The following ACTR3C variants were observed in gnomAD, a reference collection of about 807,000 sequenced individuals.
ACTR3C encodes the protein actin-related protein 3C.
In ACTR3C, 18 loss-of-function variants were observed where a neutral mutation model predicts 26.3. The observed-to-expected ratio is 0.68, with a 90% CI of 0.47 to 1.01. The LOEUF is 1.01. ACTR3C is among the 50% of genes least tolerant of loss of function. The pLI is 0.00. For missense variants in ACTR3C, 184 were observed against 250.7 expected, an observed-to-expected ratio of 0.73 and a Z score of 1.80; for synonymous variants, 55 against 94.5, an observed-to-expected ratio of 0.58 and a Z score of 2.42.
At chr7:150,037,840 G>A in the ACTR3C span, among the ~76,000 whole-genome samples, 4 of 84,766 alleles carry the variant, frequency 4.7e-5, 1 homozygote, top group African/African-American at 8.6e-5. Context: ...CCTGCCTCGC[G>A]GAGGGTGCCT....
At chr7:150,109,324 A>G in the ACTR3C span, among the ~76,000 whole-genome samples, 1 of 152,098 alleles carries the variant, frequency 6.6e-6, no homozygotes, top group African/African-American at 2.4e-5. Context: ...AGGAAATGTA[A>G]GTAGAAACTT....
chr7:150,265,833 A>G (rs374509286), intron 6 of ACTR3C, among the ~76,000 whole-genome samples: 12 of 152,192 alleles, frequency 7.9e-5, no homozygotes, highest in African/African-American at 2.9e-4. Flanking sequence ...GTCCCCTCCC[A>G]CACGCACACA....
chr7:150,029,705 C>A, the ACTR3C span, among the ~76,000 whole-genome samples: 1 of 152,092 alleles, frequency 6.6e-6, no homozygotes, highest in Non-Finnish European at 1.5e-5. Context: ...AAATGACTCC[C>A]CATGACCTTA....
chr7:150,149,096 T>TTGGCC, the ACTR3C span, among the ~76,000 whole-genome samples: 1 of 74,984 alleles, frequency 1.3e-5, no homozygotes, highest in Admixed American at 1.3e-4. Flanking sequence ...TATATATATA[T>TTGGCC]ATATATATAT....
the ACTR3C span, among the ~76,000 whole-genome samples, chr7:150,072,553 G>A: frequency 1.4e-5 from 2 of 143,990 alleles, no homozygotes; most frequent in African/African-American, 5.0e-5. Context: ...GCGAGGGTGG[G>A]GACCCAGGAC....
intron 6 of ACTR3C, among the ~76,000 whole-genome samples, chr7:150,263,350 G>A (rs1040486761): frequency 2.0e-5 from 3 of 152,280 alleles, no homozygotes; most frequent in Non-Finnish European, 2.9e-5. Context: ...CATCGTTTCT[G>A]TCTATCTTTC....
At chr7:150,222,775 A>G in the ACTR3C span, among the ~76,000 whole-genome samples, 1 of 152,224 alleles carries the variant, frequency 6.6e-6, no homozygotes, top group East Asian at 1.9e-4. Context: ...GATGCTGTTG[A>G]TGTCTAATTG....
chr7:149,941,653 G>T, the ACTR3C span, among the ~76,000 whole-genome samples: 5 of 152,178 alleles, frequency 3.3e-5, no homozygotes, highest in Admixed American at 3.3e-4. Context: ...TCATATGCAG[G>T]TGGGGACAAG....
the ACTR3C span, among the ~76,000 whole-genome samples, chr7:150,135,808 GGAAA>G: frequency 1.5e-5 from 2 of 135,182 alleles, no homozygotes; most frequent in Admixed American, 1.5e-4. Flanking sequence ...ACGAAAGAAA[GGAAA>G]GAAAGAAAAG....
the ACTR3C span, among the ~76,000 whole-genome samples, chr7:150,089,085 T>C: frequency 6.6e-6 from 1 of 152,228 alleles, no homozygotes; most frequent in South Asian, 2.1e-4. Context: ...TCTTGGATGT[T>C]ATGTTCTTAG....
At chr7:150,135,860 GAAAA>G in the ACTR3C span, among the ~76,000 whole-genome samples, 1 of 106,062 alleles carries the variant, frequency 9.4e-6, no homozygotes, top group African/African-American at 6.9e-5. Flanking sequence ...GAAAGAAAAG[GAAAA>G]GGAAAAGGAA....
intron 6 of ACTR3C, among the ~76,000 whole-genome samples, chr7:150,256,524 T>G (rs2530988): frequency 6.6e-6 from 1 of 152,212 alleles, no homozygotes; most frequent in Non-Finnish European, 1.5e-5. Flanking sequence ...CAAATACCGT[T>G]TATTGTCACT....
At chr7:150,036,636 C>G in the ACTR3C span, among the ~76,000 whole-genome samples, 43 of 139,526 alleles carry the variant, frequency 3.1e-4, no homozygotes, top group East Asian at 8.0e-4. Context: ...CCCACAGCTC[C>G]TAAGAATTCT....
the ACTR3C span, among the ~76,000 whole-genome samples, chr7:150,122,443 T>G: frequency 6.6e-6 from 1 of 152,142 alleles, no homozygotes; most frequent in African/African-American, 2.4e-5. Context: ...GAACAGACAC[T>G]TTTCAAATGA....
the ACTR3C span, among the ~76,000 whole-genome samples, chr7:149,899,852 A>C: frequency 2.7e-5 from 4 of 147,612 alleles, no homozygotes; most frequent in African/African-American, 7.4e-5. Flanking sequence ...CAAAACAAAA[A>C]AAATCCATTC....
the ACTR3C span, among the ~76,000 whole-genome samples, chr7:149,933,981 C>T: frequency 6.6e-6 from 1 of 151,242 alleles, no homozygotes; most frequent in East Asian, 1.9e-4. Flanking sequence ...CCTAGCAATG[C>T]ACAGATTCCG....
chr7:149,894,639 C>T, the ACTR3C span, among the ~76,000 whole-genome samples: 1 of 152,006 alleles, frequency 6.6e-6, no homozygotes, highest in Non-Finnish European at 1.5e-5. Flanking sequence ...TGAAAAAATG[C>T]TCAATATCAC....
chr7:149,963,573 C>T, the ACTR3C span, among the ~76,000 whole-genome samples: 1 of 152,160 alleles, frequency 6.6e-6, no homozygotes, highest in Non-Finnish European at 1.5e-5. Flanking sequence ...AAAGGATGAA[C>T]AAAGAACAGA....
chr7:150,104,206 G>C, the ACTR3C span, among the ~76,000 whole-genome samples: 1 of 151,168 alleles, frequency 6.6e-6, no homozygotes, highest in Non-Finnish European at 1.5e-5. Flanking sequence ...GACAGACATG[G>C]AAGTGCCATG....
Sources: gnomAD v4.1 joint callset for allele counts (sites outside exome capture counted in the v4.1 genomes callset) on GRCh38, gnomAD v4.1.1 for gene constraint, MANE v1.5 for transcripts, NCBI Gene and HGNC (gene_info 2026-07-23, HGNC 2026-07-21) for gene names.